ZFYVE28: variants seen among roughly 807,000 people sequenced by gnomAD.
ZFYVE28 encodes zinc finger FYVE-type containing 28.
In ZFYVE28, 40 loss-of-function variants were observed where a neutral mutation model predicts 82.1. That is an observed-to-expected ratio of 0.49 (90% CI 0.38 to 0.63). ZFYVE28 has a LOEUF of 0.63. ZFYVE28 is among the 30% of genes least tolerant of loss of function. ZFYVE28 has a pLI of 0.00. For synonymous variants in ZFYVE28, 612 were observed against 546.1 expected (o/e 1.12, Z -1.68); for missense variants, 1,321 against 1,242.1 (o/e 1.06, Z -0.96).
At chr4:2,371,035 G>A (rs1433641906) in intron 1 of ZFYVE28, among the ~76,000 whole-genome samples, 6 of 152,236 alleles carry the variant, frequency 3.9e-5, no homozygotes, top group African/African-American at 1.4e-4. Flanking sequence ...GGCGCAGCCC[G>A]AGTCTGGCTC....
At chr4:2,378,779 T>C (rs1244185100) in intron 1 of ZFYVE28, among the ~76,000 whole-genome samples, 1 of 152,196 alleles carries the variant, frequency 6.6e-6, no homozygotes, top group African/African-American at 2.4e-5. Context: ...AAACGACTAC[T>C]TGTTTTTGTT....
chr4:2,393,220 T>C lies in ZFYVE28; in HGVS notation c.39+25065A>G, dbSNP rs536563201. ...CTGAAATCTCACCGCATCCGCTGCA[T>C]AAAAGATCACTCCATTCACCTTTTC... On this transcript the variant is annotated intron_variant, in intron 1 of 12. Transcript: ENST00000290974. Among the ~76,000 whole-genome samples the C allele has an allele frequency of 5.9e-5, 9 of 152,360 alleles. No individual in the cohort carries two copies. In the South Asian group the frequency reaches 1.7e-3, roughly 28 times the overall value.
At position 2,341,829 on chromosome 4, in the gene ZFYVE28, G is replaced by A. The variant is rs1722866647; in HGVS notation, c.181-214C>T. The stretch of plus-strand genomic sequence containing the variant: ...GAGGTTAGGAGTTTGAGACCAGCCT[G>A]GCCAACATGGCGAAACCCCATCTCT... On this transcript the variant is annotated intron_variant, in intron 2 of 12. Coordinates refer to ENST00000290974, the MANE Select transcript of ZFYVE28 (RefSeq NM_020972.3). This position sits in a 1 kb window ranked among gnomAD's most constrained non-coding sequence, Gnocchi z 4.5. 1.3e-5 allele frequency among the ~76,000 whole-genome samples: 2 copies of A among 152,172 alleles called. No homozygotes were observed.
chr4:2,336,536 G>C (rs1721714428), intron 5 of ZFYVE28, among the ~76,000 whole-genome samples: 1 of 150,856 alleles, frequency 6.6e-6, no homozygotes, highest in Non-Finnish European at 1.5e-5. Context: ...TACAAAGCCT[G>C]ATAAGAATAT....
chr4:2,313,388 G>T (rs1359952577), intron 7 of ZFYVE28, among the ~76,000 whole-genome samples: 2 of 152,044 alleles, frequency 1.3e-5, no homozygotes, highest in East Asian at 3.9e-4. Context: ...AGCCTCCCAA[G>T]TAGCTGGGAC....
At chr4:2,397,471 CAAAAAAA>C (rs35358830) in intron 1 of ZFYVE28, among the ~76,000 whole-genome samples, 7 of 98,256 alleles carry the variant, frequency 7.1e-5, no homozygotes, top group African/African-American at 2.5e-4. Flanking sequence ...GACTCGGTCT[CAAAAAAA>C]AAAAAAAAAA....
At chr4:2,288,135 A>C (rs1187606093) in intron 8 of ZFYVE28, among the ~76,000 whole-genome samples, 1 of 152,138 alleles carries the variant, frequency 6.6e-6, no homozygotes, top group Non-Finnish European at 1.5e-5. Flanking sequence ...GTCACCATAC[A>C]GCAGGGAGGG....
chr4:2,350,265 C>G (rs997621266), intron 2 of ZFYVE28, among the ~76,000 whole-genome samples: 1 of 151,928 alleles, frequency 6.6e-6, no homozygotes, highest in African/African-American at 2.4e-5. Context: ...GAGATCGAGA[C>G]CATCCTGGCT....
In ZFYVE28 at chr4:2,305,325, C is replaced by T. The variant is rs202215374; in HGVS notation, c.1015G>A (p.Asp339Asn). 6.2e-6 allele frequency: 10 copies of T among 1,613,006 alleles called. No individual in the cohort carries two copies. The highest frequency in any genetic ancestry group is 7.6e-6 in the Non-Finnish European group (9 of 1,180,032). ...AELACSMQYD[D>N]QELEQLSRMV... ...CGGCTGAGCTGCTCCAGCTCCTGGT[C>T]GTCGTACTGCATGGAGCAGGCCAGC... The change falls in exon 8 of 13, where the codon GAC (aspartate) becomes AAC (asparagine). Residue 339 changes from aspartate (D) to asparagine (N), a missense_variant. By Grantham distance (23) the Asp-to-Asn change is conservative (BLOSUM62 1). Coordinates refer to ENST00000290974, the MANE Select transcript of ZFYVE28 (RefSeq NM_020972.3).
rs2108849695 is a variant in ZFYVE28 at position 2,332,862 on chromosome 4, G to C, written c.701+2843C>G. Among the ~76,000 whole-genome samples the C allele has an allele frequency of 6.6e-6, 1 of 152,240 alleles. No individual in the cohort carries two copies. Among genetic ancestry groups the C allele is most frequent in the South Asian group, 2.1e-4 (1 of 4,824 alleles). ...CACAGAGGGTTGCAGTGGCAGCCTG[G>C]TGCACCCCACGGTTCCTCGTATCCA... On this transcript the variant is annotated intron_variant, in intron 6 of 12. Coordinates refer to ENST00000290974, the MANE Select transcript of ZFYVE28 (RefSeq NM_020972.3). This position sits in a 1 kb window ranked among gnomAD's most constrained non-coding sequence, Gnocchi z 4.7.
At chr4:2,391,233 G>A (rs111263316) in intron 1 of ZFYVE28, among the ~76,000 whole-genome samples, 3 of 152,024 alleles carry the variant, frequency 2.0e-5, no homozygotes, top group African/African-American at 4.8e-5. Context: ...ATTCCGCATC[G>A]TCCCCACGGC....
intron 1 of ZFYVE28, among the ~76,000 whole-genome samples, chr4:2,404,860 T>TTTC (rs200409360): frequency 7.1e-6 from 1 of 140,798 alleles, no homozygotes; most frequent in Non-Finnish European, 1.6e-5. Context: ...TCTCGCTCTT[T>TTTC]TTTTTTTTTT....
intron 7 of ZFYVE28, among the ~76,000 whole-genome samples, chr4:2,310,757 T>C (rs1039168229): frequency 2.0e-5 from 3 of 152,170 alleles, no homozygotes; most frequent in African/African-American, 4.8e-5. Context: ...TGAGTCTAGA[T>C]TGTGCCACCA....
chr4:2,301,630 G>T (rs753601151), intron 8 of ZFYVE28, among the ~76,000 whole-genome samples: 1 of 146,960 alleles, frequency 6.8e-6, no homozygotes, highest in East Asian at 2.0e-4. Flanking sequence ...TCTGGAGGGG[G>T]TGGGCGTCCA....
chr4:2,303,705 G>A (rs1237767111), intron 8 of ZFYVE28, among the ~76,000 whole-genome samples: 1 of 152,084 alleles, frequency 6.6e-6, no homozygotes, highest in Non-Finnish European at 1.5e-5. Flanking sequence ...GGAGGAGAGA[G>A]TCCTGGGAGG....
At chr4:2,301,039 T>C (rs571207848) in intron 8 of ZFYVE28, among the ~76,000 whole-genome samples, 50 of 152,280 alleles carry the variant, frequency 3.3e-4, no homozygotes, top group Middle Eastern at 3.4e-3. Flanking sequence ...ACACCAGCCA[T>C]GCTTCCTGAC....
Position 2,417,609 on chromosome 4 carries a change from G to C in ZFYVE28, c.39+676C>G, listed in dbSNP as rs1348072218. On this transcript the variant is annotated intron_variant, in intron 1 of 12. Transcript: ENST00000290974. This position sits in a 1 kb window ranked among gnomAD's most constrained non-coding sequence, Gnocchi z 4.8. ...TTCCAGAGGACGTGGGTGGGGAAGG[G>C]ACAAGGATAGGGACAAGGGAGGGGA... is the stretch of plus-strand genomic sequence containing the variant. Among the ~76,000 whole-genome samples the C allele has an allele frequency of 3.3e-5, 5 of 152,088 alleles. No homozygotes were observed. Among genetic ancestry groups the C allele is most frequent in the Non-Finnish European group, 2.9e-5 (2 of 67,976 alleles).
chr4:2,288,922 C>T (rs899066929), intron 8 of ZFYVE28, among the ~76,000 whole-genome samples: 1 of 152,190 alleles, frequency 6.6e-6, no homozygotes, highest in Non-Finnish European at 1.5e-5. Flanking sequence ...GCCATGATTG[C>T]ACCACTGCAC....
At chr4:2,399,695 T>C (rs138964161) in intron 1 of ZFYVE28, among the ~76,000 whole-genome samples, 90 of 152,292 alleles carry the variant, frequency 5.9e-4, no homozygotes, top group Admixed American at 7.2e-4. Context: ...GCCGCCTGCC[T>C]CCCACCCAGC....
Sources: gnomAD v4.1 joint callset for allele counts (sites outside exome capture counted in the v4.1 genomes callset) on GRCh38, gnomAD v4.1.1 for gene constraint, Gnocchi (gnomAD v3.1) non-coding constraint, MANE v1.5 for transcripts, NCBI Gene and HGNC (gene_info 2026-07-23, HGNC 2026-07-21) for gene names.